ARNT2: variants seen among roughly 807,000 people sequenced by gnomAD.
The protein encoded by ARNT2 is ARNT protein 2.
ARNT2 carries 36 observed loss-of-function variants against 91.7 expected under a neutral mutation model. The ratio of observed to expected loss-of-function variants is 0.39; its 90% CI spans 0.30 to 0.52. ARNT2 has a LOEUF of 0.52. Ranked by LOEUF, ARNT2 falls within the 20% of genes least tolerant of loss-of-function variation. The probability of loss-of-function intolerance (pLI) is 0.72; values close to 1 mark genes in which losing one functional copy is unlikely to be tolerated. For synonymous variants in ARNT2, 365 were observed against 347.1 expected, an observed-to-expected ratio of 1.05 and a Z score of -0.57; for missense variants, 775 against 939.3, an observed-to-expected ratio of 0.83 and a Z score of 2.29.
At chr15:80,407,337 C>G (rs1018752704) in intron 1 of ARNT2, among the ~76,000 whole-genome samples, 1 of 152,090 alleles carries the variant, frequency 6.6e-6, no homozygotes, top group Non-Finnish European at 1.5e-5. Flanking sequence ...TGTTGGTGAC[C>G]GGTGATGTTG....
At chr15:80,501,018 A>G (rs1196806617) in intron 5 of ARNT2, among the ~76,000 whole-genome samples, 15 of 152,250 alleles carry the variant, frequency 9.9e-5, no homozygotes, top group Non-Finnish European at 2.2e-4. Flanking sequence ...CATGGAGTAG[A>G]AAAACTGAGA....
intron 1 of ARNT2, among the ~76,000 whole-genome samples, chr15:80,430,996 T>A (rs893227874): frequency 6.6e-6 from 1 of 152,090 alleles, no homozygotes; most frequent in African/African-American, 2.4e-5. Context: ...CCAGGGTTTT[T>A]TCCCACCAGC....
intron 8 of ARNT2, among the ~76,000 whole-genome samples, chr15:80,540,270 C>T (rs192383280): frequency 1.3e-5 from 2 of 152,202 alleles, no homozygotes; most frequent in Non-Finnish European, 2.9e-5. Context: ...TACATTTCCA[C>T]CAGCAGTGTG....
At chr15:80,460,686 T>C (rs1299409542) in intron 3 of ARNT2, among the ~76,000 whole-genome samples, 1 of 152,150 alleles carries the variant, frequency 6.6e-6, no homozygotes, top group Non-Finnish European at 1.5e-5. Flanking sequence ...CAGACTGCAG[T>C]GGGCTGAGGA....
chr15:80,563,960 C>G (rs2141468196), intron 12 of ARNT2, among the ~76,000 whole-genome samples: 1 of 152,330 alleles, frequency 6.6e-6, no homozygotes, highest in South Asian at 2.1e-4. Flanking sequence ...TGAGCATGAC[C>G]TTGAACAGGT....
At chr15:80,586,275 A>G (rs961163003) in intron 17 of ARNT2, among the ~76,000 whole-genome samples, 1 of 152,172 alleles carries the variant, frequency 6.6e-6, no homozygotes, top group African/African-American at 2.4e-5. Context: ...TCTTAGCAGC[A>G]TGATTTCCAG....
At chr15:80,412,318 C>A (rs187601442) in intron 1 of ARNT2, among the ~76,000 whole-genome samples, 1 of 152,322 alleles carries the variant, frequency 6.6e-6, no homozygotes, top group Admixed American at 6.5e-5. Context: ...GGTTGGAGCT[C>A]TTCTCCTAGC....
chr15:80,477,104 T>C (rs1390779085), intron 5 of ARNT2, among the ~76,000 whole-genome samples: 1 of 152,230 alleles, frequency 6.6e-6, no homozygotes, highest in African/African-American at 2.4e-5. Flanking sequence ...TCCGCCATGA[T>C]TGTAAGTTTC....
intron 8 of ARNT2, among the ~76,000 whole-genome samples, chr15:80,544,299 C>T (rs1252619223): frequency 1.3e-5 from 2 of 152,108 alleles, no homozygotes; most frequent in Non-Finnish European, 2.9e-5. Context: ...TGATGCTAGA[C>T]ATTGTGAAAT....
intron 8 of ARNT2, among the ~76,000 whole-genome samples, chr15:80,531,612 T>C (rs1897741880): frequency 6.6e-6 from 1 of 152,220 alleles, no homozygotes; most frequent in African/African-American, 2.4e-5. Context: ...AGAGTGTTCT[T>C]TTCTCCGTTA....
chr15:80,421,609 G>A (rs1895862784), intron 1 of ARNT2, among the ~76,000 whole-genome samples: 1 of 152,168 alleles, frequency 6.6e-6, no homozygotes. Context: ...TTGTCTGATG[G>A]TAGCTGAGTG....
chr15:80,558,452 G>A (rs1466417936), intron 11 of ARNT2, among the ~76,000 whole-genome samples: 1 of 149,904 alleles, frequency 6.7e-6, no homozygotes, highest in Admixed American at 6.8e-5. Context: ...TGATTCTCAT[G>A]CCTCAGCCTC....
At chr15:80,450,357 A>G (rs1896369841) in intron 1 of ARNT2, among the ~76,000 whole-genome samples, 2 of 152,208 alleles carry the variant, frequency 1.3e-5, no homozygotes, top group Admixed American at 1.3e-4. Context: ...GGGGCCAAGC[A>G]GGGCTCAGAT....
At chr15:80,578,369 G>T (rs1555414833) in intron 15 of ARNT2, among the ~76,000 whole-genome samples, 1 of 152,040 alleles carries the variant, frequency 6.6e-6, no homozygotes, top group Non-Finnish European at 1.5e-5. Context: ...AGGAGGTGTT[G>T]TTGGAGGAGG....
chr15:80,530,684 A>T (rs148885343), intron 8 of ARNT2, among the ~76,000 whole-genome samples: 1 of 152,140 alleles, frequency 6.6e-6, no homozygotes, highest in Non-Finnish European at 1.5e-5. Context: ...TATCAGTTCA[A>T]TCTGTTGAGC....
chr15:80,576,734 G>A (rs753869126), intron 14 of ARNT2, 132 bp from the exon 15 acceptor site: 26 of 860,488 alleles, frequency 3.0e-5, no homozygotes, highest in East Asian at 2.0e-4. Flanking sequence ...AGAAGATTGC[G>A]TGCAGGCGGG....
chr15:80,430,484 C>A (rs1895993014), intron 1 of ARNT2, among the ~76,000 whole-genome samples: 1 of 152,194 alleles, frequency 6.6e-6, no homozygotes, highest in South Asian at 2.1e-4. Flanking sequence ...TGGATGTGTT[C>A]CCTGTTGGGA....
chr15:80,593,809 C>A lies in ARNT2; in HGVS notation c.*111C>A. On this transcript the variant is annotated 3_prime_UTR_variant, in exon 19 of 19. Coordinates refer to ENST00000303329, the MANE Select transcript of ARNT2 (RefSeq NM_014862.4). ...GCTTGCCCTGCCGCAGGCCCCCCAC[C>A]AGAAGCCATCTCCCCCGCTGTGTGT... 1 of 951,794 alleles carries A rather than the reference C, an allele frequency of 1.1e-6. No homozygotes were observed. The highest frequency in any genetic ancestry group is 1.6e-6 in the Non-Finnish European group (1 of 625,560). 59.0% of individuals were successfully genotyped at this position (951,794 alleles called of 1,614,324 possible).
At chr15:80,414,447 C>T (rs774376856) in intron 1 of ARNT2, among the ~76,000 whole-genome samples, 4 of 152,132 alleles carry the variant, frequency 2.6e-5, no homozygotes, top group Non-Finnish European at 4.4e-5. Flanking sequence ...TTCACAAGGA[C>T]ATGTGGCCCC....
Sources: allele counts gnomAD v4.1 joint callset (sites outside exome capture counted in the v4.1 genomes callset), GRCh38; gene constraint gnomAD v4.1.1; transcripts MANE v1.5; gene names NCBI Gene and HGNC (gene_info 2026-07-23, HGNC 2026-07-21).